Variants in PREX2 observed in about 807,000 individuals in gnomAD.
PREX2 encodes phosphatidylinositol-3,4,5-trisphosphate dependent Rac exchange factor 2.
In PREX2, 107 loss-of-function variants were observed where a neutral mutation model predicts 203.2. The ratio of observed to expected loss-of-function variants is 0.53; its 90% CI spans 0.45 to 0.62. The LOEUF (loss-of-function observed/expected upper bound fraction) is 0.62, where lower values mean the gene tolerates loss of function less well. Among genes scored for constraint, PREX2 ranks in the 20% least tolerant of loss-of-function variants. The pLI is 0.00. For synonymous variants in PREX2, 672 were observed against 663.6 expected (o/e 1.01, Z -0.19); for missense variants, 1,777 against 1,955.9 (o/e 0.91, Z 1.72).
intron 11 of PREX2, among the ~76,000 whole-genome samples, chr8:68,061,356 G>C (rs1009740413): frequency 1.3e-5 from 2 of 152,200 alleles, no homozygotes; most frequent in Admixed American, 6.5e-5. Flanking sequence ...TTATTCCGAG[G>C]GGGGCCAGGA....
chr8:68,109,767 C>T, intron 25 of PREX2, 144 bp downstream of exon 25: 1 of 665,162 alleles, frequency 1.5e-6, no homozygotes, highest in African/African-American at 1.8e-5. Context: ...CATTCCAAAA[C>T]CTTAAAAATG....
At chr8:68,199,500 T>C (rs10103246) in intron 37 of PREX2, among the ~76,000 whole-genome samples, 73,248 of 152,114 alleles carry the variant, frequency 0.48, 20,553 homozygotes, top group Middle Eastern at 0.67. Flanking sequence ...TAATGTAAAC[T>C]GTCTTCTAAC....
intron 29 of PREX2, among the ~76,000 whole-genome samples, chr8:68,120,694 A>G (rs1810754208): frequency 1.3e-5 from 2 of 152,156 alleles, no homozygotes; most frequent in Non-Finnish European, 2.9e-5. Flanking sequence ...GTTTGGGATA[A>G]TGAAAGTAGA....
intron 21 of PREX2, among the ~76,000 whole-genome samples, chr8:68,095,532 CAT>C (rs1032238630): frequency 6.7e-5 from 5 of 75,138 alleles, no homozygotes; most frequent in Non-Finnish European, 1.4e-4. Flanking sequence ...TACATACATA[CAT>C]ATATGTGTGT....
chr8:67,972,413 C>T (rs1805950800), intron 1 of PREX2, among the ~76,000 whole-genome samples: 1 of 152,194 alleles, frequency 6.6e-6, no homozygotes. Flanking sequence ...AAATTCTGTC[C>T]CAAAGCTTTC....
chr8:68,059,855 G>T (rs142388841), intron 10 of PREX2, among the ~76,000 whole-genome samples: 2 of 152,276 alleles, frequency 1.3e-5, no homozygotes, highest in Admixed American at 1.3e-4. Flanking sequence ...GCTTCTGCAG[G>T]CTGCATGTCT....
intron 6 of PREX2, among the ~76,000 whole-genome samples, chr8:68,037,718 G>A (rs1342030344): frequency 6.6e-6 from 1 of 151,992 alleles, no homozygotes; most frequent in Non-Finnish European, 1.5e-5. Context: ...CCTAGGGGTG[G>A]ATATATAAAT....
At chr8:68,088,330 C>G (rs1303627487) in intron 19 of PREX2, among the ~76,000 whole-genome samples, 1 of 152,078 alleles carries the variant, frequency 6.6e-6, no homozygotes, top group African/African-American at 2.4e-5. Context: ...GACATCTCTT[C>G]TTATCATATG....
At chr8:67,974,232 C>T (rs907227664) in intron 1 of PREX2, among the ~76,000 whole-genome samples, 2 of 152,024 alleles carry the variant, frequency 1.3e-5, no homozygotes, top group African/African-American at 4.8e-5. Flanking sequence ...GCTTTTCTTT[C>T]AGTGGTGCCT....
At chr8:68,176,820 A>G (rs1811988752) in intron 35 of PREX2, 1 of 152,200 alleles carries the variant, frequency 6.6e-6, no homozygotes, top group Non-Finnish European at 1.5e-5. Flanking sequence ...CACTGAGTAG[A>G]AAAGACGTAG....
At chr8:68,016,825 G>A (rs1434198582) in intron 1 of PREX2, among the ~76,000 whole-genome samples, 1 of 152,078 alleles carries the variant, frequency 6.6e-6, no homozygotes, top group East Asian at 1.9e-4. Context: ...CTATGTTGCC[G>A]AGGCTGACCT....
At chr8:68,010,798 G>A (rs1338538603) in intron 1 of PREX2, among the ~76,000 whole-genome samples, 2 of 152,062 alleles carry the variant, frequency 1.3e-5, no homozygotes, top group African/African-American at 4.8e-5. Flanking sequence ...GGTTAATTTT[G>A]AAGGCTTCCA....
intron 35 of PREX2, among the ~76,000 whole-genome samples, chr8:68,172,589 G>A (rs1811901813): frequency 6.6e-6 from 1 of 152,168 alleles, no homozygotes; most frequent in Non-Finnish European, 1.5e-5. Context: ...AAGCCATTGG[G>A]GATGTGGTGA....
intron 1 of PREX2, among the ~76,000 whole-genome samples, chr8:67,998,492 A>T (rs1480672900): frequency 4.6e-5 from 7 of 152,210 alleles, no homozygotes; most frequent in Non-Finnish European, 1.5e-5. Context: ...TCCTGAATCC[A>T]GGTATGTTGA....
intron 35 of PREX2, among the ~76,000 whole-genome samples, chr8:68,184,756 G>T (rs931932134): frequency 6.6e-6 from 1 of 151,916 alleles, no homozygotes; most frequent in Non-Finnish European, 1.5e-5. Context: ...AGAAACGGGG[G>T]GAAAAAGTTT....
intron 37 of PREX2, among the ~76,000 whole-genome samples, chr8:68,216,999 G>C (rs1812855116): frequency 6.6e-6 from 1 of 151,118 alleles, no homozygotes; most frequent in African/African-American, 2.4e-5. Context: ...GAGAGAGAGA[G>C]AGAAGGAAAA....
intron 35 of PREX2, among the ~76,000 whole-genome samples, chr8:68,181,951 A>G (rs1488457356): frequency 1.3e-5 from 2 of 152,070 alleles, no homozygotes; most frequent in Non-Finnish European, 2.9e-5. Flanking sequence ...CTGAAGCAGC[A>G]GATACTGAAG....
chr8:68,166,909 C>T (rs962382858), intron 35 of PREX2, among the ~76,000 whole-genome samples: 1 of 151,858 alleles, frequency 6.6e-6, no homozygotes, highest in Non-Finnish European at 1.5e-5. Flanking sequence ...TGTGATCATA[C>T]AGTGCAGCAC....
At chr8:68,181,134 G>A (rs1226402278) in intron 35 of PREX2, among the ~76,000 whole-genome samples, 2 of 152,070 alleles carry the variant, frequency 1.3e-5, no homozygotes, top group African/African-American at 2.4e-5. Context: ...AGCTTAAGGC[G>A]ATAAACATGA....
Sources: allele counts gnomAD v4.1 joint callset (sites outside exome capture counted in the v4.1 genomes callset), GRCh38; gene constraint gnomAD v4.1.1; transcripts MANE v1.5; gene names NCBI Gene and HGNC (gene_info 2026-07-23, HGNC 2026-07-21).